The following GRID1 variants were observed in gnomAD, a reference collection of about 807,000 sequenced individuals.
GRID1 encodes glutamate ionotropic receptor delta type subunit 1.
In GRID1, 28 loss-of-function variants were observed where a neutral mutation model predicts 98.0. The ratio of observed to expected loss-of-function variants is 0.29; its 90% CI spans 0.21 to 0.39. The LOEUF is 0.39. GRID1 is among the 10% of genes least tolerant of loss of function. GRID1 has a pLI of 1.00. For synonymous variants in GRID1, 553 were observed against 538.5 expected (o/e 1.03, Z -0.37); for missense variants, 1,111 against 1,340.5 (o/e 0.83, Z 2.67).
At chr10:85,617,326 G>A (rs1202818660) in intron 14 of GRID1, among the ~76,000 whole-genome samples, 2 of 151,310 alleles carry the variant, frequency 1.3e-5, no homozygotes. Context: ...TCCACCTCCT[G>A]GGTTCAAGCA....
chr10:85,602,564 G>A lies in GRID1; in HGVS notation c.2739C>T (p.Thr913=), dbSNP rs373440668. 3.1e-6 allele frequency: 5 copies of A among 1,614,154 alleles called. No individual in the cohort carries two copies. Among genetic ancestry groups the A allele is most frequent in the Non-Finnish European group, 4.2e-6 (5 of 1,180,022 alleles). Residue 913 remains threonine, a synonymous_variant, in exon 16 of 16, where the codon ACC becomes ACT. Transcript: ENST00000327946. ...LEMGGLAPTQ[T]LEPTREYQNT... ...TCTGGTACTCCCGTGTCGGCTCCAA[G>A]GTCTGGGTGGGAGCCAGGCCCCCCA...
rs887658433 is a variant in GRID1 at position 85,916,577 on chromosome 10, C to T, written c.727-338G>A. Among the ~76,000 whole-genome samples, 10 of 152,168 alleles carry T rather than the reference C, an allele frequency of 6.6e-5. No individual in the cohort carries two copies. Among genetic ancestry groups the T allele is most frequent in the African/African-American group, 1.9e-4 (8 of 41,450 alleles). On this transcript the variant is annotated intron_variant, in intron 4 of 15. Coordinates refer to ENST00000327946, the MANE Select transcript of GRID1 (RefSeq NM_017551.3). The surrounding 1 kb of genome is among the most constrained non-coding windows in gnomAD (Gnocchi z 4.0). Reference sequence around the variant, plus strand: ...CTGCAAACACCTTTCTGCAGGGGCGCTTAGGGGATGAGTGTTATCATTACT... The same window carrying T: ...CTGCAAACACCTTTCTGCAGGGGCGTTTAGGGGATGAGTGTTATCATTACT...
At chr10:86,264,744 CAG>C (rs1421133982) in intron 2 of GRID1, 2 of 497,524 alleles carry the variant, frequency 4.0e-6, no homozygotes, top group Middle Eastern at 3.2e-4. Flanking sequence ...TTCAGAGCAA[CAG>C]AGAGGCAGGC....
At chr10:86,215,245 GA>G (rs1297016102) in intron 2 of GRID1, among the ~76,000 whole-genome samples, 1 of 152,232 alleles carries the variant, frequency 6.6e-6, no homozygotes, top group African/African-American at 2.4e-5. Context: ...GAGCAGAGCC[GA>G]ATGGTCCTGA....
Position 85,647,373 on chromosome 10 carries a change from T to C in GRID1, c.2022A>G (p.Gln674=). 2 of 1,614,178 alleles carry C rather than the reference T, an allele frequency of 1.2e-6. No homozygotes were observed. The change falls in exon 13 of 16, where the codon CAA becomes CAG. Residue 674 remains glutamine, a synonymous_variant. Transcript: ENST00000327946. ...GGACAGTGCCATAAGACATTTCCACTTGTTTGGACAGGTCCTGGAAAGTCC... is the reference window on the plus strand; with the variant it reads ...GGACAGTGCCATAAGACATTTCCACCTGTTTGGACAGGTCCTGGAAAGTCC... The part of the protein sequence containing the change: ...PIRTFQDLSK[Q]VEMSYGTVRD...
chr10:86,117,982 T>C (rs754134855), intron 4 of GRID1, among the ~76,000 whole-genome samples: 3 of 152,346 alleles, frequency 2.0e-5, no homozygotes, highest in Non-Finnish European at 2.9e-5. Flanking sequence ...GAAGTCATTA[T>C]ACAAAAAAGA....
chr10:85,688,602 A>G (rs1234079922), intron 12 of GRID1, among the ~76,000 whole-genome samples: 1 of 152,150 alleles, frequency 6.6e-6, no homozygotes, highest in Admixed American at 6.5e-5. Context: ...AACAAAGAGG[A>G]GACTTTGAGG....
intron 3 of GRID1, among the ~76,000 whole-genome samples, chr10:86,140,692 C>T (rs1011247926): frequency 3.3e-5 from 5 of 152,164 alleles, no homozygotes; most frequent in African/African-American, 4.8e-5. Flanking sequence ...CCACGAACTC[C>T]GACACTTAGG....
Position 85,599,795 on chromosome 10 carries a change from A to AT in GRID1, c.*2477_*2478insA, listed in dbSNP as rs1842544451. Reference sequence around the variant, plus strand: ...GCCAAGGGTAGAAAATTCTAAAAAAAAAAAAAAATATATATATATATATAT... The same window carrying AT: ...GCCAAGGGTAGAAAATTCTAAAAAAATAAAAAAAATATATATATATATATAT... On this transcript the variant is annotated 3_prime_UTR_variant, in exon 16 of 16. Coordinates refer to ENST00000327946, the MANE Select transcript of GRID1 (RefSeq NM_017551.3). 1 of 102,450 alleles carries AT rather than the reference A, an allele frequency of 9.8e-6. No individual in the cohort carries two copies. Among genetic ancestry groups the AT allele is most frequent in the African/African-American group, 4.8e-5 (1 of 20,902 alleles). 6.3% of individuals were successfully genotyped at this position (102,450 alleles called of 1,614,324 possible).
chr10:85,839,936 C>G (rs1046438406), intron 8 of GRID1, among the ~76,000 whole-genome samples: 11 of 152,078 alleles, frequency 7.2e-5, no homozygotes, highest in African/African-American at 2.7e-4. Flanking sequence ...ACCATTGACT[C>G]CACAGAAATA....
At chr10:86,151,461 C>T (rs1419826420) in intron 3 of GRID1, among the ~76,000 whole-genome samples, 2 of 151,810 alleles carry the variant, frequency 1.3e-5, no homozygotes, top group African/African-American at 2.4e-5. Flanking sequence ...TAGTGGCCAC[C>T]GCAGGCATAT....
At chr10:85,917,902 G>C (rs1013949630) in intron 4 of GRID1, among the ~76,000 whole-genome samples, 2 of 152,236 alleles carry the variant, frequency 1.3e-5, no homozygotes, top group Non-Finnish European at 2.9e-5. Context: ...GATAGAGAAA[G>C]GAGGACACTT....
intron 4 of GRID1, among the ~76,000 whole-genome samples, chr10:86,101,487 T>G (rs1335467834): frequency 1.3e-5 from 2 of 152,142 alleles, no homozygotes; most frequent in Non-Finnish European, 2.9e-5. Context: ...CCCTATAGTT[T>G]TGCCAATCAG....
intron 12 of GRID1, among the ~76,000 whole-genome samples, chr10:85,650,687 C>T (rs778592126): frequency 1.4e-4 from 22 of 152,066 alleles, no homozygotes; most frequent in Non-Finnish European, 3.2e-4. Context: ...AGAAATGCTT[C>T]CTAGAAGAGG....
chr10:85,641,411 C>G (rs1348330717), intron 13 of GRID1, among the ~76,000 whole-genome samples: 1 of 152,156 alleles, frequency 6.6e-6, no homozygotes. Context: ...GGCTGCTAAA[C>G]ATGGAAGTCA....
In GRID1 at chr10:86,067,988, G is replaced by T. The variant is rs149550495; in HGVS notation, c.726+70831C>A. Among the ~76,000 whole-genome samples the T allele has an allele frequency of 2.2e-3, 328 of 152,350 alleles. 2 individuals carry two copies. Among genetic ancestry groups the T allele is most frequent in the African/African-American group, 7.4e-3 (307 of 41,582 alleles). ...GCCAGGCTCTGCTTCCAAGGAGTCA[G>T]ACTTAAGCAGGGAGAAAAGGAGAGG... On this transcript the variant is annotated intron_variant, in intron 4 of 15. Coordinates refer to ENST00000327946, the MANE Select transcript of GRID1 (RefSeq NM_017551.3).
intron 8 of GRID1, among the ~76,000 whole-genome samples, chr10:85,732,984 G>A (rs1038752841): frequency 1.3e-5 from 2 of 151,912 alleles, no homozygotes; most frequent in East Asian, 1.9e-4. Context: ...TCTGGGTCTG[G>A]TAAACTCTTA....
At chr10:86,047,942 G>A (rs1843447733) in intron 4 of GRID1, among the ~76,000 whole-genome samples, 1 of 152,100 alleles carries the variant, frequency 6.6e-6, no homozygotes, top group Non-Finnish European at 1.5e-5. Context: ...AAACTTCCCA[G>A]GAGGAAAATA....
chr10:86,188,736 A>C (rs1845760007), intron 3 of GRID1, among the ~76,000 whole-genome samples: 1 of 152,126 alleles, frequency 6.6e-6, no homozygotes, highest in South Asian at 2.1e-4. Flanking sequence ...AATAACCAAA[A>C]CAGAACCCCA....
Sources: gnomAD v4.1 joint callset for allele counts (sites outside exome capture counted in the v4.1 genomes callset) on GRCh38, gnomAD v4.1.1 for gene constraint, Gnocchi (gnomAD v3.1) non-coding constraint, MANE v1.5 for transcripts, NCBI Gene and HGNC (gene_info 2026-07-23, HGNC 2026-07-21) for gene names.